Variants in ANKRD11 observed in about 807,000 individuals in gnomAD.
The protein encoded by ANKRD11 is ankyrin repeat domain 11.
ANKRD11 carries 17 observed loss-of-function variants against 195.7 expected under a neutral mutation model. The ratio of observed to expected loss-of-function variants is 0.09; its 90% confidence interval spans 0.06 to 0.13. The LOEUF (loss-of-function observed/expected upper bound fraction) is 0.13, where lower values mean the gene tolerates loss of function less well. ANKRD11 is among the 10% of genes least tolerant of loss of function. ANKRD11 has a pLI of 1.00. For synonymous variants in ANKRD11, 1,953 were observed against 1,528.1 expected, an observed-to-expected ratio of 1.28 and a Z score of -6.49; for missense variants, 3,735 against 3,566.1, an observed-to-expected ratio of 1.05 and a Z score of -1.21.
At chr16:89,356,055 T>C (rs775037958) in intron 2 of ANKRD11, among the ~76,000 whole-genome samples, 1 of 152,186 alleles carries the variant, frequency 6.6e-6, no homozygotes, top group Non-Finnish European at 1.5e-5. Flanking sequence ...CACTCCAGCC[T>C]GGGCACTGGA....
chr16:89,482,019 T>G (rs1416186981), intron 1 of ANKRD11, among the ~76,000 whole-genome samples: 1 of 152,122 alleles, frequency 6.6e-6, no homozygotes, highest in Non-Finnish European at 1.5e-5. Context: ...GAACCAATAT[T>G]TAATGCAAGC....
intron 4 of ANKRD11, 75 bp downstream of exon 4, chr16:89,305,131 G>A: frequency 1.9e-6 from 3 of 1,575,814 alleles, no homozygotes; most frequent in South Asian, 2.3e-5. Context: ...AGGTGCGGGG[G>A]CCAGGGACGC....
chr16:89,342,426 A>G (rs1446790123), intron 2 of ANKRD11, among the ~76,000 whole-genome samples: 1 of 152,236 alleles, frequency 6.6e-6, no homozygotes, highest in Non-Finnish European at 1.5e-5. Flanking sequence ...ATAAACCAGC[A>G]ATACTCTGGA....
chr16:89,369,696 C>A lies in ANKRD11; in HGVS notation c.-60+48588G>T, dbSNP rs573287938. Among the ~76,000 whole-genome samples the A allele has an allele frequency of 1.7e-4, 26 of 152,302 alleles. No individual in the cohort carries two copies. The East Asian group carries it at 5.0e-3, about 29-fold the overall frequency. ...TAAGGTCCCGACTGTGGGACACAGGCATCTGCATCTGTGATCAACTGTACA... is the reference window on the plus strand; with the variant it reads ...TAAGGTCCCGACTGTGGGACACAGGAATCTGCATCTGTGATCAACTGTACA... On this transcript the variant is annotated intron_variant, in intron 2 of 12. Transcript: ENST00000301030.
At chr16:89,390,743 G>C (rs548417574) in intron 2 of ANKRD11, among the ~76,000 whole-genome samples, 1 of 152,194 alleles carries the variant, frequency 6.6e-6, no homozygotes. Flanking sequence ...AAAAACACCT[G>C]TGAAAATCTT....
rs115301172 is a variant in ANKRD11, at chr16:89,363,421, C to A, written c.-59-46343G>T. Among the ~76,000 whole-genome samples, 1,228 of 151,478 alleles carry A rather than the reference C, an allele frequency of 8.1e-3. 24 individuals are homozygous for A. The highest frequency in any genetic ancestry group is 0.028 in the African/African-American group (1,170 of 41,194). On this transcript the variant is annotated intron_variant, in intron 2 of 12. Transcript: ENST00000301030. ...AGCACACCAACATGGCACATGTATACATATGTAACAAACCTGCACGTTGTG... is the reference window on the plus strand; with the variant it reads ...AGCACACCAACATGGCACATGTATAAATATGTAACAAACCTGCACGTTGTG...
intron 2 of ANKRD11, chr16:89,403,579 C>T (rs1355434686): frequency 1.3e-5 from 2 of 152,168 alleles, no homozygotes; most frequent in Non-Finnish European, 2.9e-5. Flanking sequence ...ACCAAACAGA[C>T]AAAGACCAGA....
At chr16:89,431,557 T>A (rs1345462120) in intron 1 of ANKRD11, among the ~76,000 whole-genome samples, 1 of 152,064 alleles carries the variant, frequency 6.6e-6, no homozygotes, top group African/African-American at 2.4e-5. Flanking sequence ...TACAAACCAC[T>A]CTCTTCCCAG....
At position 89,281,408 on chromosome 16, in the gene ANKRD11, A is replaced by G; in HGVS notation, c.5134T>C (p.Cys1712Arg). The change falls in exon 9 of 13, where the codon TGC becomes CGC. Residue 1712 changes from cysteine (C) to arginine (R), a missense_variant. Physicochemically the swap from Cys to Arg is radical, Grantham distance 180. Transcript: ENST00000301030. This position sits in a 1 kb window ranked among gnomAD's most constrained non-coding sequence, Gnocchi z 5.5. ...TGCATCACCTCCTCGTAGCTGGGGC[A>G]GGATAGCACCGACGTAGGGGTGGGC... ...GVPTPTSVLS[C>R]PSYEEVMHTP... is the part of the protein sequence containing the mutation. 6.2e-7 allele frequency: 1 copy of G among 1,609,948 alleles called. No individual in the cohort carries two copies. Among genetic ancestry groups the G allele is most frequent in the Non-Finnish European group, 8.5e-7 (1 of 1,176,944 alleles).
rs1041517330 is a variant in ANKRD11 at position 89,273,251 on chromosome 16, G to A, written c.7713+1563C>T. 5.9e-5 allele frequency among the ~76,000 whole-genome samples: 9 copies of A among 152,140 alleles called. No individual in the cohort carries two copies. In the East Asian group the frequency reaches 1.7e-3, roughly 29 times the overall value. ...AGAGGGAAGTAATGCTTCCTTGGAA[G>A]GTGTTAGAGGCACGAGCTGGTCCTC... On this transcript the variant is annotated intron_variant, in intron 11 of 12. Transcript: ENST00000301030.
intron 2 of ANKRD11, among the ~76,000 whole-genome samples, chr16:89,363,406 C>T (rs2039813895): frequency 1.3e-5 from 2 of 151,714 alleles, no homozygotes. Context: ...AGCACACCAA[C>T]ATGGCACATG....
intron 2 of ANKRD11, chr16:89,361,416 C>A (rs1378601915): frequency 6.6e-6 from 1 of 152,310 alleles, no homozygotes; most frequent in Non-Finnish European, 1.5e-5. Flanking sequence ...CTCATTCAGG[C>A]CAGGTGACTG....
intron 2 of ANKRD11, among the ~76,000 whole-genome samples, chr16:89,327,605 C>A (rs944013275): frequency 2.0e-5 from 3 of 152,142 alleles, no homozygotes; most frequent in South Asian, 4.1e-4. Context: ...AAGACAGTAC[C>A]ATCCTATTTC....
At chr16:89,385,493 G>A (rs552132696) in intron 2 of ANKRD11, among the ~76,000 whole-genome samples, 2 of 152,034 alleles carry the variant, frequency 1.3e-5, no homozygotes, top group African/African-American at 4.8e-5. Context: ...CGGGCAGAGG[G>A]AAGGGCGCCA....
chr16:89,367,128 C>G (rs1461711687), intron 2 of ANKRD11, among the ~76,000 whole-genome samples: 1 of 152,194 alleles, frequency 6.6e-6, no homozygotes, highest in Non-Finnish European at 1.5e-5. Flanking sequence ...TACCTCAACT[C>G]TCCACCCCGC....
At chr16:89,467,317 C>T (rs1225522816) in intron 1 of ANKRD11, among the ~76,000 whole-genome samples, 4 of 152,036 alleles carry the variant, frequency 2.6e-5, no homozygotes, top group Admixed American at 6.6e-5. Flanking sequence ...TGGCACGCAC[C>T]TGTAGTCTCA....
intron 2 of ANKRD11, among the ~76,000 whole-genome samples, chr16:89,399,368 G>C (rs1390100370): frequency 6.6e-6 from 1 of 152,116 alleles, no homozygotes; most frequent in Non-Finnish European, 1.5e-5. Context: ...GACAAAAAAG[G>C]ACCATAGACG....
chr16:89,397,479 T>C (rs2041494240), intron 2 of ANKRD11, among the ~76,000 whole-genome samples: 2 of 152,216 alleles, frequency 1.3e-5, no homozygotes, highest in African/African-American at 4.8e-5. Flanking sequence ...GAAGCAGGCC[T>C]TCCCCGTGGC....
intron 1 of ANKRD11, among the ~76,000 whole-genome samples, chr16:89,473,102 C>A (rs2057142602): frequency 6.6e-6 from 1 of 151,920 alleles, no homozygotes; most frequent in Non-Finnish European, 1.5e-5. Flanking sequence ...TTGGCTTGAG[C>A]CCAGGAGGTC....
Sources: allele counts gnomAD v4.1 joint callset (sites outside exome capture counted in the v4.1 genomes callset), GRCh38; gene constraint gnomAD v4.1.1; non-coding constraint Gnocchi (gnomAD v3.1); transcripts MANE v1.5; gene names NCBI Gene and HGNC (gene_info 2026-07-23, HGNC 2026-07-21).